The following UTRN variants were observed in gnomAD, a reference collection of about 807,000 sequenced individuals.
The protein encoded by UTRN is utrophin.
A neutral mutation model predicts 463.9 loss-of-function variants in UTRN; 283 were observed. The ratio of observed to expected loss-of-function variants is 0.61; its 90% confidence interval spans 0.55 to 0.67. The LOEUF is 0.67. Among genes scored for constraint, UTRN ranks in the 30% least tolerant of loss-of-function variants. The pLI is 0.00. For synonymous variants in UTRN, 1,442 were observed against 1,431.5 expected (o/e 1.01, Z -0.17); for missense variants, 3,922 against 4,084.3 (o/e 0.96, Z 1.08).
rs144177384 is a variant in UTRN at position 144,383,223 on chromosome 6, C to T, written c.80-19900C>T. Among the ~76,000 whole-genome samples the T allele has an allele frequency of 1.3e-4, 20 of 152,300 alleles. No individual in the cohort carries two copies. The East Asian group carries it at 3.7e-3, about 28-fold the overall frequency. The stretch of plus-strand genomic sequence containing the variant: ...TTGGGATTACAGACATGAGTCATTG[C>T]GCCCAGGCCATTTCAGCCTGTTTAA... On this transcript the variant is annotated intron_variant, in intron 2 of 74. Coordinates refer to ENST00000367545, the MANE Select transcript of UTRN (RefSeq NM_007124.3).
intron 52 of UTRN, among the ~76,000 whole-genome samples, chr6:144,682,719 CTTCTT>C (rs1399163371): frequency 6.6e-6 from 1 of 152,084 alleles, no homozygotes; most frequent in Non-Finnish European, 1.5e-5. Flanking sequence ...TAAATGATCT[CTTCTT>C]TATTTTTATA....
intron 58 of UTRN, among the ~76,000 whole-genome samples, chr6:144,763,638 C>G (rs971253112): frequency 6.6e-6 from 1 of 152,078 alleles, no homozygotes; most frequent in Non-Finnish European, 1.5e-5. Context: ...AGAAATAGTC[C>G]TTCCCTAAAT....
rs369604079 is a variant in UTRN, at chr6:144,564,517, A to G, written c.7289+7206A>G. On this transcript the variant is annotated intron_variant, in intron 50 of 74. Coordinates refer to ENST00000367545, the MANE Select transcript of UTRN (RefSeq NM_007124.3). ...GTCCGTTTTCATACTGCCATAAAGAACTGCCTGAGACTGGGTAATTTATAA... is the reference window on the plus strand; with the variant it reads ...GTCCGTTTTCATACTGCCATAAAGAGCTGCCTGAGACTGGGTAATTTATAA... Among the ~76,000 whole-genome samples, 17 of 152,262 alleles carry G rather than the reference A, an allele frequency of 1.1e-4. No individual in the cohort carries two copies. In the South Asian group the frequency reaches 1.2e-3, roughly 11 times the overall value.
At chr6:144,511,293 A>T (rs953146228) in intron 35 of UTRN, among the ~76,000 whole-genome samples, 170 bp downstream of exon 35, 1 of 152,230 alleles carries the variant, frequency 6.6e-6, no homozygotes, top group African/African-American at 2.4e-5. Context: ...TTGGAAAGGT[A>T]ATAACTAGAA....
At chr6:144,557,017 A>C in intron 49 of UTRN, 140 bp from the exon 50 acceptor site, 2 of 1,060,816 alleles carry the variant, frequency 1.9e-6, no homozygotes, top group South Asian at 2.7e-5. Context: ...CATATAACAA[A>C]AGGGTTTGCC....
rs118048824 is a variant in UTRN, at chr6:144,587,071, G to C, written c.7479+9783G>C. On this transcript the variant is annotated intron_variant, in intron 51 of 74. Coordinates refer to ENST00000367545, the MANE Select transcript of UTRN (RefSeq NM_007124.3). ...TTAAATATTAGTAGTGTATAATTTT[G>C]TTCTTACTTTCTACTGTTGCCTTTT... Among the ~76,000 whole-genome samples, 1,365 of 152,172 alleles carry C rather than the reference G, an allele frequency of 9.0e-3. 8 individuals are homozygous for C. The highest frequency in any genetic ancestry group is 0.024 in the Middle Eastern group (7 of 294).
At chr6:144,443,115 T>G (rs1299815125) in intron 13 of UTRN, among the ~76,000 whole-genome samples, 1 of 152,236 alleles carries the variant, frequency 6.6e-6, no homozygotes, top group Non-Finnish European at 1.5e-5. Flanking sequence ...TTACAAGTCT[T>G]TAACAGATAA....
In UTRN at chr6:144,699,095, G is replaced by A. The variant is rs544847345; in HGVS notation, c.7653-992G>A. ...TTCTGCTTTTTGGTTACAACAGAAG[G>A]AGTTTTTGGTTACAAGAGAAAGTAA... On this transcript the variant is annotated intron_variant, in intron 52 of 74. Transcript: ENST00000367545. 2.0e-5 allele frequency among the ~76,000 whole-genome samples: 3 copies of A among 152,236 alleles called. No individual in the cohort carries two copies. The South Asian group carries it at 6.2e-4, about 32-fold the overall frequency.
intron 64 of UTRN, among the ~76,000 whole-genome samples, chr6:144,801,071 C>G (rs932372195): frequency 6.6e-6 from 1 of 152,112 alleles, no homozygotes; most frequent in Non-Finnish European, 1.5e-5. Context: ...TTTAAGAAAT[C>G]TAGCTATAAC....
At chr6:144,535,517 C>A (rs530966028) in intron 43 of UTRN, among the ~76,000 whole-genome samples, 1 of 152,140 alleles carries the variant, frequency 6.6e-6, no homozygotes, top group South Asian at 2.1e-4. Context: ...GAAGCTAATA[C>A]GTGTTTTTAC....
chr6:144,606,113 A>T (rs541951068), intron 51 of UTRN, among the ~76,000 whole-genome samples: 1 of 152,222 alleles, frequency 6.6e-6, no homozygotes, highest in African/African-American at 2.4e-5. Flanking sequence ...AAATGTGACA[A>T]TGCAGTGATT....
chr6:144,836,074 A>G, intron 70 of UTRN, 136 bp downstream of exon 70: 1 of 1,434,820 alleles, frequency 7.0e-7, no homozygotes, highest in Non-Finnish European at 9.4e-7. Flanking sequence ...GGCTATTAAC[A>G]AACTGGGATG....
At chr6:144,548,498 T>C in intron 46 of UTRN, 142 bp from the exon 47 acceptor site, 1 of 715,080 alleles carries the variant, frequency 1.4e-6, no homozygotes, top group Non-Finnish European at 2.3e-6. Flanking sequence ...CATAGCCATT[T>C]CAGTATGAAA....
intron 58 of UTRN, among the ~76,000 whole-genome samples, chr6:144,767,993 T>A (rs1224789225): frequency 2.0e-5 from 3 of 152,212 alleles, no homozygotes; most frequent in Non-Finnish European, 4.4e-5. Context: ...CTGATCATCC[T>A]TTAAGGTTTC....
intron 28 of UTRN, among the ~76,000 whole-genome samples, chr6:144,486,473 T>C (rs1416196958): frequency 6.6e-6 from 1 of 152,230 alleles, no homozygotes; most frequent in Non-Finnish European, 1.5e-5. Context: ...TATGTATGCA[T>C]ACTAGAAGGT....
Position 144,803,143 on chromosome 6 carries a change from T to C in UTRN, c.9353T>C (p.Ile3118Thr), listed in dbSNP as rs1159969186. 6.4e-7 allele frequency: 1 copy of C among 1,550,908 alleles called. No homozygotes were observed. The highest frequency in any genetic ancestry group is 8.7e-7 in the Non-Finnish European group (1 of 1,150,032). Reference protein sequence around the residue: ...KLHYPMVEYCIPTTSGEDVRD... With the variant: ...KLHYPMVEYCTPTTSGEDVRD... The stretch of plus-strand genomic sequence containing the variant: ...CATTACCCAATGGTGGAATATTGTA[T>C]ACCTGTGAGTACTAACCCACTGTTT... Residue 3118 changes from isoleucine to threonine, a missense_variant, in exon 65 of 75, where the codon ATA becomes ACA. By Grantham distance (89) the Ile-to-Thr change is moderately conservative. Coordinates refer to ENST00000367545, the MANE Select transcript of UTRN (RefSeq NM_007124.3).
chr6:144,823,791 G>T (rs1333964103), intron 66 of UTRN, among the ~76,000 whole-genome samples: 1 of 152,108 alleles, frequency 6.6e-6, no homozygotes, highest in Non-Finnish European at 1.5e-5. Context: ...AGGGTTGTGA[G>T]AATTATTATT....
At position 144,794,080 on chromosome 6, in the gene UTRN, AGC is replaced by A. The variant is rs1374234280; in HGVS notation, c.9078+90_9078+91del. ...ACATGGAATAGGGAACTCGGGCTGG[AGC>A]CAAATACTGGAAGACTTTGGGTACC... is the stretch of plus-strand genomic sequence containing the variant. On this transcript the variant is annotated intron_variant, in intron 63 of 74. Coordinates refer to ENST00000367545, the MANE Select transcript of UTRN (RefSeq NM_007124.3). The A allele has an allele frequency of 4.0e-6, 6 of 1,515,860 alleles. No homozygotes were observed. In the Admixed American group the frequency reaches 1.2e-4, roughly 30 times the overall value. The allele number at this position is 1,515,860 out of a possible 1,614,324, so 93.9% of individuals were successfully genotyped here.
At chr6:144,452,928 T>C (rs926448787) in intron 18 of UTRN, among the ~76,000 whole-genome samples, 1 of 141,154 alleles carries the variant, frequency 7.1e-6, no homozygotes, top group East Asian at 2.0e-4. Context: ...GGTGACAGAG[T>C]GACAACCTGC....
Sources: allele counts gnomAD v4.1 joint callset (sites outside exome capture counted in the v4.1 genomes callset), GRCh38; gene constraint gnomAD v4.1.1; transcripts MANE v1.5; gene names NCBI Gene and HGNC (gene_info 2026-07-23, HGNC 2026-07-21).